The following RBFOX1 variants were observed in gnomAD, a reference collection of about 807,000 sequenced individuals.
RBFOX1 encodes the protein RNA binding fox-1 homolog 1.
RBFOX1 carries 8 observed loss-of-function variants against 57.7 expected under a neutral mutation model. The observed-to-expected ratio is 0.14, with a 90% CI of 0.08 to 0.25. The LOEUF is 0.25. Among genes scored for constraint, RBFOX1 ranks in the 10% least tolerant of loss-of-function variants. The pLI, the probability that RBFOX1 is intolerant of heterozygous loss-of-function variation, is 1.00. For synonymous variants in RBFOX1, 326 were observed against 222.4 expected (o/e 1.47, Z -4.15); for missense variants, 611 against 548.5 (o/e 1.11, Z -1.14).
chr16:6,940,935 C>T (rs1404169785), intron 3 of RBFOX1, among the ~76,000 whole-genome samples: 1 of 151,198 alleles, frequency 6.6e-6, no homozygotes, highest in African/African-American at 2.4e-5. Context: ...TTTCGATCTC[C>T]TGACCTCGTG....
intron 1 of RBFOX1, among the ~76,000 whole-genome samples, chr16:5,300,381 A>G (rs1325364012): frequency 6.6e-5 from 10 of 152,138 alleles, no homozygotes; most frequent in African/African-American, 2.4e-4. Flanking sequence ...GGAGCGGGTG[A>G]GGGATAAAGA....
intron 3 of RBFOX1, among the ~76,000 whole-genome samples, chr16:6,861,148 A>T (rs1370308736): frequency 1.3e-5 from 2 of 152,088 alleles, no homozygotes; most frequent in Non-Finnish European, 2.9e-5. Flanking sequence ...CATCTTCCGT[A>T]TTTTTTATAT....
chr16:6,879,216 T>G (rs1348381895), intron 3 of RBFOX1, among the ~76,000 whole-genome samples: 1 of 152,230 alleles, frequency 6.6e-6, no homozygotes, highest in Non-Finnish European at 1.5e-5. Context: ...ATTTTTATGA[T>G]TATTCAATGA....
At chr16:6,416,768 C>G (rs2093635250) in intron 2 of RBFOX1, among the ~76,000 whole-genome samples, 1 of 152,124 alleles carries the variant, frequency 6.6e-6, no homozygotes, top group Admixed American at 6.5e-5. Flanking sequence ...AATAACATAC[C>G]TTACAGGATA....
intron 1 of RBFOX1, among the ~76,000 whole-genome samples, chr16:5,290,619 G>C (rs990095294): frequency 5.9e-5 from 9 of 152,006 alleles, no homozygotes; most frequent in African/African-American, 2.2e-4. Flanking sequence ...CCTAGGGGGT[G>C]GGATGAGTTC....
At position 7,071,421 on chromosome 16, in the gene RBFOX1, G is replaced by A. The variant is rs368019611; in HGVS notation, c.27+19323G>A. 4.3e-4 allele frequency among the ~76,000 whole-genome samples: 65 copies of A among 152,230 alleles called. 1 individual carries two copies. Among genetic ancestry groups the A allele is most frequent in the African/African-American group, 1.5e-3 (61 of 41,534 alleles). ...TATTACCCCTCCTAGCCTCCTAGCT[G>A]CAGGAAGTGTGGCAGATCATTTAAA... On this transcript the variant is annotated intron_variant, in intron 4 of 15. Transcript: ENST00000550418.
chr16:7,155,927 A>G (rs569422186), intron 4 of RBFOX1, among the ~76,000 whole-genome samples: 1 of 151,818 alleles, frequency 6.6e-6, no homozygotes, highest in South Asian at 2.1e-4. Context: ...TCATTCCTAT[A>G]CCCCATTAAA....
intron 3 of RBFOX1, among the ~76,000 whole-genome samples, chr16:5,639,430 C>A (rs1025006607): frequency 6.6e-6 from 1 of 152,052 alleles, no homozygotes; most frequent in African/African-American, 2.4e-5. Context: ...GGAGGTTCAA[C>A]AGAAGTCTTG....
At chr16:6,149,687 C>T (rs748735132) in intron 1 of RBFOX1, among the ~76,000 whole-genome samples, 6 of 152,280 alleles carry the variant, frequency 3.9e-5, no homozygotes, top group Non-Finnish European at 7.4e-5. Flanking sequence ...AGAATACTGA[C>T]ACTTTATACA....
chr16:7,097,371 T>A (rs1396244693), intron 4 of RBFOX1, among the ~76,000 whole-genome samples: 4 of 152,054 alleles, frequency 2.6e-5, no homozygotes, highest in African/African-American at 9.7e-5. Context: ...GCCTGGTAGA[T>A]TAGAGTTGCT....
intron 4 of RBFOX1, among the ~76,000 whole-genome samples, chr16:5,938,504 C>T (rs2059213436): frequency 1.3e-5 from 2 of 152,104 alleles, no homozygotes; most frequent in Non-Finnish European, 1.5e-5. Context: ...GCAAAATGTC[C>T]CCAATTCTCC....
chr16:7,325,724 C>T (rs2096602626), intron 4 of RBFOX1, among the ~76,000 whole-genome samples: 2 of 152,164 alleles, frequency 1.3e-5, no homozygotes, highest in Non-Finnish European at 1.5e-5. Context: ...CCTATATTCC[C>T]ATCTTGATAA....
At chr16:5,650,140 A>ACAGCCTC (rs2049186655) in intron 3 of RBFOX1, among the ~76,000 whole-genome samples, 1 of 152,210 alleles carries the variant, frequency 6.6e-6, no homozygotes, top group African/African-American at 2.4e-5. Context: ...CAGGGACTCA[A>ACAGCCTC]CAGCCTCCAG....
At chr16:5,985,076 C>T (rs1410505262) in intron 4 of RBFOX1, among the ~76,000 whole-genome samples, 4 of 148,598 alleles carry the variant, frequency 2.7e-5, no homozygotes, top group Admixed American at 6.7e-5. Flanking sequence ...ACCTCCGCTT[C>T]CCGGGTTCAC....
At chr16:6,509,325 C>T (rs1411530521) in intron 2 of RBFOX1, among the ~76,000 whole-genome samples, 3 of 152,084 alleles carry the variant, frequency 2.0e-5, no homozygotes, top group African/African-American at 7.2e-5. Context: ...AAATATGGTA[C>T]ATATACACAG....
chr16:6,808,236 G>C (rs114968123), intron 3 of RBFOX1, among the ~76,000 whole-genome samples: 2,645 of 150,396 alleles, frequency 0.018, 77 homozygotes, highest in African/African-American at 0.062. Context: ...CCAGCATGTA[G>C]CCTTTATATT....
At chr16:6,556,833 C>G (rs1030093366) in intron 2 of RBFOX1, among the ~76,000 whole-genome samples, 3 of 152,024 alleles carry the variant, frequency 2.0e-5, no homozygotes, top group South Asian at 2.1e-4. Flanking sequence ...TTTGACCCTT[C>G]TTTGCTACCA....
chr16:5,817,268 G>A (rs765820279), intron 3 of RBFOX1, among the ~76,000 whole-genome samples: 1 of 152,172 alleles, frequency 6.6e-6, no homozygotes, highest in Non-Finnish European at 1.5e-5. Flanking sequence ...GTGAAGGATA[G>A]CTTGGAGCTT....
intron 3 of RBFOX1, among the ~76,000 whole-genome samples, chr16:6,840,496 G>A (rs1443904176): frequency 1.3e-5 from 2 of 152,082 alleles, no homozygotes; most frequent in African/African-American, 4.8e-5. Flanking sequence ...TTTGTGTGTT[G>A]AAATTCTAAT....
Sources: gnomAD v4.1 joint callset for allele counts (sites outside exome capture counted in the v4.1 genomes callset) on GRCh38, gnomAD v4.1.1 for gene constraint, MANE v1.5 for transcripts, NCBI Gene and HGNC (gene_info 2026-07-23, HGNC 2026-07-21) for gene names.